The following WFDC8 variants were observed in gnomAD, a reference collection of about 807,000 sequenced individuals.
WFDC8 encodes the protein WAP four-disulfide core domain protein 8.
Under a neutral mutation model 27.0 loss-of-function variants are expected in WFDC8, and 24 were observed. That is an observed-to-expected ratio of 0.89 (90% CI 0.64 to 1.25). The LOEUF (loss-of-function observed/expected upper bound fraction) is 1.25. Ranked by LOEUF, WFDC8 falls within the 50% of genes most tolerant of loss-of-function variation. The pLI, the probability that WFDC8 is intolerant of heterozygous loss-of-function variation, is 0.00. For synonymous variants in WFDC8, 106 were observed against 99.7 expected, an observed-to-expected ratio of 1.06 and a Z score of -0.38; for missense variants, 287 against 295.9, an observed-to-expected ratio of 0.97 and a Z score of 0.22.
chr20:45,567,719 C>T (rs763708678), intron 1 of WFDC8, among the ~76,000 whole-genome samples: 1 of 152,178 alleles, frequency 6.6e-6, no homozygotes, highest in Non-Finnish European at 1.5e-5. Flanking sequence ...ATTTCAAAAA[C>T]GTAAAAGCAC....
At chr20:45,571,347 ATTTAT>A (rs1980859319) in intron 1 of WFDC8, among the ~76,000 whole-genome samples, 1 of 152,114 alleles carries the variant, frequency 6.6e-6, no homozygotes, top group South Asian at 2.1e-4. Context: ...ACTTTAAGAA[ATTTAT>A]TTTAATTGAC....
At chr20:45,577,374 T>C (rs1217241363) in intron 1 of WFDC8, among the ~76,000 whole-genome samples, 4 of 151,070 alleles carry the variant, frequency 2.6e-5, no homozygotes, top group South Asian at 2.1e-4. Flanking sequence ...TCAATGTTAA[T>C]GAAACAATAA....
intron 1 of WFDC8, among the ~76,000 whole-genome samples, chr20:45,578,952 CA>C (rs1332359356): frequency 2.6e-5 from 4 of 152,028 alleles, no homozygotes; most frequent in Non-Finnish European, 5.9e-5. Flanking sequence ...ACTAAAAATG[CA>C]AAACTTAGCC....
chr20:45,572,396 CAA>C (rs768958375), intron 1 of WFDC8, among the ~76,000 whole-genome samples: 21 of 49,434 alleles, frequency 4.2e-4, no homozygotes, highest in East Asian at 1.5e-3. Flanking sequence ...GAATCCATCT[CAA>C]AAAAAAAAAA....
At chr20:45,551,659 AAAT>A (rs2145558692), downstream of WFDC8, 1 of 158,104 alleles carries the variant, frequency 6.3e-6, no homozygotes, top group East Asian at 1.8e-4. Flanking sequence ...AGGAAAAAGA[AAAT>A]AATTTAAGTG....
chr20:45,577,936 G>T (rs554509880), intron 1 of WFDC8, among the ~76,000 whole-genome samples: 3 of 149,470 alleles, frequency 2.0e-5, no homozygotes, highest in African/African-American at 7.3e-5. Context: ...GAACCCAGAA[G>T]GTGGAGGTTG....
chr20:45,574,537 G>C (rs573819403), intron 1 of WFDC8, among the ~76,000 whole-genome samples: 156 of 152,176 alleles, frequency 1.0e-3, no homozygotes, highest in African/African-American at 3.7e-3. Flanking sequence ...GGTCACACCT[G>C]TAATCCCAGC....
intron 1 of WFDC8, among the ~76,000 whole-genome samples, chr20:45,566,714 T>C (rs958197879): frequency 6.6e-6 from 1 of 152,108 alleles, no homozygotes; most frequent in African/African-American, 2.4e-5. Context: ...TTGCAAAATG[T>C]TCTGCAGTAG....
At position 45,552,254 on chromosome 20, in the gene WFDC8, G is replaced by T; in HGVS notation, c.587-89C>A. ...AGGAATCTTGGGAATCTCAAACAAGGTTTTATTCTGATTAAGCTTCTTACC... is the reference window on the plus strand; with the variant it reads ...AGGAATCTTGGGAATCTCAAACAAGTTTTTATTCTGATTAAGCTTCTTACC... On this transcript the variant is annotated intron_variant, in intron 5 of 5. Coordinates refer to ENST00000289953, the MANE Select transcript of WFDC8 (RefSeq NM_130896.3). The T allele has an allele frequency of 2.7e-6, 4 of 1,497,620 alleles. No homozygotes were observed. In the East Asian group the frequency reaches 6.8e-5, roughly 25 times the overall value. 92.8% of individuals were successfully genotyped at this position (1,497,620 alleles called of 1,614,324 possible).
chr20:45,564,332 G>A (rs1261182352), intron 1 of WFDC8, among the ~76,000 whole-genome samples: 1 of 152,148 alleles, frequency 6.6e-6, no homozygotes. Context: ...TCAGCACTTT[G>A]AGAGGCCAAG....
At chr20:45,561,660 A>G (rs4302272) in intron 2 of WFDC8, among the ~76,000 whole-genome samples, 58,206 of 151,592 alleles carry the variant, frequency 0.38, 11,645 homozygotes, top group Non-Finnish European at 0.43. Context: ...CTTCTCAACT[A>G]CTGCAGCAGC....
At chr20:45,568,604 A>G in intron 1 of WFDC8, 1 of 526,058 alleles carries the variant, frequency 1.9e-6, no homozygotes. Context: ...ATAGCTTTAT[A>G]TTCCTGAATT....
intron 1 of WFDC8, among the ~76,000 whole-genome samples, chr20:45,567,201 G>C (rs1229863240): frequency 2.0e-4 from 31 of 152,120 alleles, no homozygotes; most frequent in Non-Finnish European, 1.5e-4. Flanking sequence ...AATACAAGTA[G>C]GGACTGAACA....
At chr20:45,552,216 T>G in intron 5 of WFDC8, 51 bp from the exon 6 acceptor site, 1 of 1,599,798 alleles carries the variant, frequency 6.3e-7, no homozygotes, top group South Asian at 1.1e-5. Flanking sequence ...GGTCATAATT[T>G]GAGACAAATT....
chr20:45,565,061 A>AGAGT (rs10665546), intron 1 of WFDC8, among the ~76,000 whole-genome samples: 5,909 of 143,584 alleles, frequency 0.041, 242 homozygotes, highest in Admixed American at 0.1. Context: ...GGAAGAAGAG[A>AGAGT]GAGGGAGGGA....
At chr20:45,569,352 T>C (rs1751790300) in intron 1 of WFDC8, among the ~76,000 whole-genome samples, 1 of 152,240 alleles carries the variant, frequency 6.6e-6, no homozygotes, top group African/African-American at 2.4e-5. Flanking sequence ...TATTAAAAGA[T>C]GAATTCCTAT....
In WFDC8 at chr20:45,555,835, C is replaced by T. The variant is rs777386206; in HGVS notation, c.311G>A (p.Cys104Tyr). 1 of 1,614,014 alleles carries T rather than the reference C, an allele frequency of 6.2e-7. No individual in the cohort carries two copies. Among genetic ancestry groups the T allele is most frequent in the Non-Finnish European group, 8.5e-7 (1 of 1,179,956 alleles). ...PCMLPVRHGN[C>Y]NHEAQRWHFD... Reference sequence around the variant, plus strand: ...ATGCCAGCGCTGTGCCTCATGATTACAGTTTCCATGCCTCACAGGTAGCAT... The same window carrying T: ...ATGCCAGCGCTGTGCCTCATGATTATAGTTTCCATGCCTCACAGGTAGCAT... Residue 104 changes from cysteine (C) to tyrosine (Y), a missense_variant, in exon 4 of 6, where the codon TGT (cysteine) becomes TAT (tyrosine). By Grantham distance (194) the Cys-to-Tyr change is radical. Coordinates refer to ENST00000289953, the MANE Select transcript of WFDC8 (RefSeq NM_130896.3).
chr20:45,560,262 T>C (rs1434285880), intron 2 of WFDC8, among the ~76,000 whole-genome samples: 1 of 152,072 alleles, frequency 6.6e-6, no homozygotes, highest in Non-Finnish European at 1.5e-5. Flanking sequence ...TGACAGCCAG[T>C]AAAGGAGCCT....
At chr20:45,574,443 G>A in intron 1 of WFDC8, among the ~76,000 whole-genome samples, 1 of 150,920 alleles carries the variant, frequency 6.6e-6, no homozygotes, top group Non-Finnish European at 1.5e-5. Context: ...TGTACACAGA[G>A]GCAAAAATTC....
Sources: gnomAD v4.1 joint callset for allele counts (sites outside exome capture counted in the v4.1 genomes callset) on GRCh38, gnomAD v4.1.1 for gene constraint, MANE v1.5 for transcripts, NCBI Gene and HGNC (gene_info 2026-07-23, HGNC 2026-07-21) for gene names.